PTPN7: variants seen among roughly 807,000 people sequenced by gnomAD.
The protein encoded by PTPN7 is tyrosine-protein phosphatase non-receptor type 7.
A neutral mutation model predicts 50.3 loss-of-function variants in PTPN7; 33 were observed. That is an observed-to-expected ratio of 0.66 (90% CI 0.50 to 0.88). PTPN7 has a LOEUF of 0.88. PTPN7 is among the 40% of genes least tolerant of loss of function. The probability of loss-of-function intolerance (pLI) is 0.00; values close to 1 mark genes in which losing one functional copy is unlikely to be tolerated. For synonymous variants in PTPN7, 185 were observed against 186.6 expected (o/e 0.99, Z 0.07); for missense variants, 412 against 475.4 (o/e 0.87, Z 1.24).
intron 4 of PTPN7, 102 bp from the exon 5 acceptor site, chr1:202,155,711 C>G: frequency 9.9e-7 from 1 of 1,007,466 alleles, no homozygotes; most frequent in Non-Finnish European, 1.5e-6. Flanking sequence ...TCATCACAGT[C>G]ATAGCACCTT....
At chr1:202,150,485 G>T in intron 8 of PTPN7, 61 bp from the exon 9 acceptor site, 1 of 1,340,406 alleles carries the variant, frequency 7.5e-7, no homozygotes. Context: ...TGAGAGCCAG[G>T]CCCCAAACTA....
chr1:202,151,811 C>T (rs1240989074), intron 8 of PTPN7, among the ~76,000 whole-genome samples: 2 of 152,174 alleles, frequency 1.3e-5, no homozygotes, highest in Admixed American at 1.3e-4. Flanking sequence ...GCCACTGCAC[C>T]CAGCCTAATC....
Position 202,158,311 on chromosome 1 carries a change from T to G in PTPN7, c.123-10A>C. On this transcript the variant is annotated splice_polypyrimidine_tract_variant and intron_variant, in intron 2 of 9. Coordinates refer to ENST00000691036, the MANE Select transcript of PTPN7 (RefSeq NM_002832.4). Reference sequence around the variant, plus strand: ...CACATTGGAGCCCCGCCTGCAGGCATAGCCCACCACTGCCTAGTGAGCACC... The same window carrying G: ...CACATTGGAGCCCCGCCTGCAGGCAGAGCCCACCACTGCCTAGTGAGCACC... 1 of 1,613,542 alleles carries G rather than the reference T, an allele frequency of 6.2e-7. No individual in the cohort carries two copies. The highest frequency in any genetic ancestry group is 8.5e-7 in the Non-Finnish European group (1 of 1,179,740).
chr1:202,152,939 C>G (rs1427725607), intron 7 of PTPN7, among the ~76,000 whole-genome samples: 2 of 152,210 alleles, frequency 1.3e-5, no homozygotes, highest in Non-Finnish European at 2.9e-5. Context: ...GGCTCTGCTT[C>G]CCATAAGCAC....
chr1:202,150,435 CCAGGGAGGGGA>C lies in PTPN7; in HGVS notation c.876-22_876-12del. ...CGGCCAATCCCTGCACTGGAGATAG[CCAGGGAGGGGA>C]CAGGGAGGTCATGGGAGACCAGGGA... On this transcript the variant is annotated splice_polypyrimidine_tract_variant and intron_variant, in intron 8 of 9. Coordinates refer to ENST00000691036, the MANE Select transcript of PTPN7 (RefSeq NM_002832.4). 1 of 1,597,368 alleles carries C rather than the reference CCAGGGAGGGGA, an allele frequency of 6.3e-7. No individual in the cohort carries two copies. The highest frequency in any genetic ancestry group is 8.5e-7 in the Non-Finnish European group (1 of 1,170,398).
In PTPN7 at chr1:202,157,738, C is replaced by T. The variant is rs774869356; in HGVS notation, c.391+1G>A. The T allele has an allele frequency of 1.7e-5, 27 of 1,612,310 alleles. No individual in the cohort carries two copies. The highest frequency in any genetic ancestry group is 2.0e-5 in the Non-Finnish European group (24 of 1,178,454). Reference sequence around the variant, plus strand: ...CCCTTCATCCCAGCAGCAGTTCTTACTTGGCAAGATGGTCTTGTATCGGTC... The same window carrying T: ...CCCTTCATCCCAGCAGCAGTTCTTATTTGGCAAGATGGTCTTGTATCGGTC... On this transcript the variant is annotated splice_donor_variant, in intron 4 of 9. Coordinates refer to ENST00000691036, the MANE Select transcript of PTPN7 (RefSeq NM_002832.4). LOFTEE classifies it high-confidence loss of function.
upstream of PTPN7, chr1:202,160,738 G>A (rs749360669): frequency 5.3e-5 from 82 of 1,550,458 alleles, no homozygotes; most frequent in African/African-American, 2.1e-4. This position sits in a 1 kb window ranked among gnomAD's most constrained non-coding sequence, Gnocchi z 4.8. Context: ...GCTGCCTCCC[G>A]CCTGTGCCCT....
Position 202,159,240 on chromosome 1 carries a change from G to A in PTPN7, c.122+41C>T. ...GAAGGAAGGGAGGAGCGGAATGGGG[G>A]CTCAGGGCTCGGAAGACCCCTCCCC... On this transcript the variant is annotated intron_variant, in intron 2 of 9. Coordinates refer to ENST00000691036, the MANE Select transcript of PTPN7 (RefSeq NM_002832.4). This position sits in a 1 kb window ranked among gnomAD's most constrained non-coding sequence, Gnocchi z 4.6. 6.3e-7 allele frequency: 1 copy of A among 1,587,602 alleles called. No individual in the cohort carries two copies. The highest frequency in any genetic ancestry group is 8.6e-7 in the Non-Finnish European group (1 of 1,158,236).
rs1156874773 is a variant in PTPN7, at chr1:202,160,228, C to T, written c.-53+317G>A. Among the ~76,000 whole-genome samples the T allele has an allele frequency of 2.6e-5, 4 of 151,800 alleles. No homozygotes were observed. The highest frequency in any genetic ancestry group is 4.8e-5 in the African/African-American group (2 of 41,280). ...GCCAGGGTCACAGTGGGCGAGGTGG[C>T]GGGGGTGTTGAATCACCAAGGCAGC... On this transcript the variant is annotated intron_variant, in intron 1 of 9. Coordinates refer to ENST00000691036, the MANE Select transcript of PTPN7 (RefSeq NM_002832.4). The surrounding 1 kb of genome is among the most constrained non-coding windows in gnomAD (Gnocchi z 4.8).
At position 202,153,795 on chromosome 1, in the gene PTPN7, C is replaced by T. The variant is rs767852057; in HGVS notation, c.647G>A (p.Gly216Glu). Reference protein sequence around the residue: ...HYWPTEEETYGPFQIRIQDMK... With the variant: ...HYWPTEEETYEPFQIRIQDMK... ...GTCCTGGATGCGGATCTGGAAGGGT[C>T]CATAGGTTTCCTCTTCTGTGGGCCA... Residue 216 changes from glycine to glutamate, a missense_variant, in exon 7 of 10, where the codon GGA becomes GAA. Gly to Glu is a moderately conservative substitution (Grantham distance 98). Coordinates refer to ENST00000691036, the MANE Select transcript of PTPN7 (RefSeq NM_002832.4). The T allele has an allele frequency of 9.0e-5, 146 of 1,613,870 alleles. No homozygotes were observed. The Middle Eastern group carries it at 2.3e-3, about 25-fold the overall frequency.
chr1:202,160,872 A>T (rs1021879872), upstream of PTPN7: 12 of 1,472,878 alleles, frequency 8.1e-6, no homozygotes, highest in African/African-American at 1.4e-5. The surrounding 1 kb of genome is among the most constrained non-coding windows in gnomAD (Gnocchi z 4.8). Flanking sequence ...TCTTTGTCAC[A>T]TCCAGCCGCT....
chr1:202,157,062 A>AT (rs1656747263), intron 4 of PTPN7, among the ~76,000 whole-genome samples: 1 of 152,280 alleles, frequency 6.6e-6, no homozygotes, highest in African/African-American at 2.4e-5. Context: ...GGCATTTCCC[A>AT]TGCAAGAGGA....
rs1391343381 is a variant in PTPN7, at chr1:202,159,080, C to T, written c.122+201G>A. 1.7e-6 allele frequency: 1 copy of T among 601,246 alleles called. No individual in the cohort carries two copies. Among genetic ancestry groups the T allele is most frequent in the Non-Finnish European group, 2.9e-6 (1 of 339,766 alleles). 37.2% of individuals were successfully genotyped at this position (601,246 alleles called of 1,614,324 possible). On this transcript the variant is annotated intron_variant, in intron 2 of 9. Coordinates refer to ENST00000691036, the MANE Select transcript of PTPN7 (RefSeq NM_002832.4). The surrounding 1 kb of genome is among the most constrained non-coding windows in gnomAD (Gnocchi z 4.6). ...CCTTGCCTGGAATTTAGGGAGCAGG[C>T]TCATGGTTGATATGAAACTCTGTGC...
chr1:202,149,327 G>A (rs551411522), intron 9 of PTPN7, among the ~76,000 whole-genome samples: 4 of 152,202 alleles, frequency 2.6e-5, no homozygotes, highest in South Asian at 2.1e-4. Context: ...GCCTTGGGTC[G>A]GGCCAGGAAT....
At chr1:202,154,068 T>G in intron 6 of PTPN7, 118 bp downstream of exon 6, 12 of 1,443,900 alleles carry the variant, frequency 8.3e-6, no homozygotes, top group Non-Finnish European at 1.1e-5. Flanking sequence ...CTGAGAGGTA[T>G]GAGCTGGGGC....
chr1:202,160,739 C>T, upstream of PTPN7: 1 of 1,550,696 alleles, frequency 6.4e-7, no homozygotes, highest in Non-Finnish European at 8.7e-7. The surrounding 1 kb of genome is among the most constrained non-coding windows in gnomAD (Gnocchi z 4.8). Context: ...CTGCCTCCCG[C>T]CTGTGCCCTT....
intron 9 of PTPN7, 116 bp downstream of exon 9, chr1:202,150,195 T>C: frequency 1.3e-6 from 1 of 779,792 alleles, no homozygotes; most frequent in Admixed American, 2.2e-5. Context: ...GCAGAAAGGG[T>C]TTCTTCCTTT....
At chr1:202,154,373 C>G (rs377478553) in intron 5 of PTPN7, 50 bp from the exon 6 acceptor site, 397 of 1,570,236 alleles carry the variant, frequency 2.5e-4, no homozygotes, top group Middle Eastern at 1.1e-3. Flanking sequence ...GAGAGCAGAG[C>G]TCTGGGGAGA....
chr1:202,150,034 T>A (rs1369774412), intron 9 of PTPN7: 1 of 298,908 alleles, frequency 3.3e-6, no homozygotes, highest in Admixed American at 3.8e-5. Context: ...GTTTACACCA[T>A]GTTGGCCAGG....
Sources: allele counts gnomAD v4.1 joint callset (sites outside exome capture counted in the v4.1 genomes callset), GRCh38; gene constraint gnomAD v4.1.1; non-coding constraint Gnocchi (gnomAD v3.1); transcripts MANE v1.5; gene names NCBI Gene and HGNC (gene_info 2026-07-23, HGNC 2026-07-21).